RBBP8: variants seen among roughly 807,000 people sequenced by gnomAD.
The protein encoded by RBBP8 is RB binding protein 8, endonuclease, also known as DNA endonuclease RBBP8.
RBBP8 carries 88 observed loss-of-function variants against 108.3 expected under a neutral mutation model. The ratio of observed to expected loss-of-function variants is 0.81; its 90% CI spans 0.68 to 0.97. RBBP8 has a LOEUF of 0.97. Among genes scored for constraint, RBBP8 ranks in the 50% least tolerant of loss-of-function variants. The pLI, the probability that RBBP8 is intolerant of heterozygous loss-of-function variation, is 0.00. For synonymous variants in RBBP8, 332 were observed against 348.2 expected (o/e 0.95, Z 0.52); for missense variants, 1,023 against 1,049.0 (o/e 0.98, Z 0.34).
chr18:22,945,912 A>G (rs1467242323), intron 2 of RBBP8, among the ~76,000 whole-genome samples: 1 of 152,068 alleles, frequency 6.6e-6, no homozygotes, highest in Non-Finnish European at 1.5e-5. Context: ...CTTCTCAGTA[A>G]TTACCTGAGT....
chr18:22,940,990 C>G (rs906167328), intron 2 of RBBP8, among the ~76,000 whole-genome samples: 1 of 151,884 alleles, frequency 6.6e-6, no homozygotes, highest in Admixed American at 6.6e-5. Context: ...TGTCATTGTA[C>G]AAGTTTTTTG....
chr18:22,962,791 G>A (rs1042997594), intron 4 of RBBP8, among the ~76,000 whole-genome samples: 13 of 151,422 alleles, frequency 8.6e-5, no homozygotes, highest in African/African-American at 3.2e-4. Context: ...CGTACGGACA[G>A]GGTTTCACCA....
rs746385731 is a variant in RBBP8, at chr18:22,968,905, T to C, written c.348T>C (p.Leu116=). 4 of 1,609,264 alleles carry C rather than the reference T, an allele frequency of 2.5e-6. No homozygotes were observed. Among genetic ancestry groups the C allele is most frequent in the Non-Finnish European group, 3.4e-6 (4 of 1,175,942 alleles). ...FENIRQQNLK[L]ITELMNERNT... is the part of the protein sequence containing the mutation. ...ATATCCGGCAGCAGAATCTTAAACT[T>C]ATTACAGAACTTAGTGAGTTTCCTT... Residue 116 remains leucine, a synonymous_variant, in exon 5 of 19, where the codon CTT becomes CTC. Coordinates refer to ENST00000327155, the MANE Select transcript of RBBP8 (RefSeq NM_002894.3).
chr18:22,943,712 G>A (rs908351157), intron 2 of RBBP8, among the ~76,000 whole-genome samples: 1 of 151,872 alleles, frequency 6.6e-6, no homozygotes, highest in Non-Finnish European at 1.5e-5. Flanking sequence ...GTGATGTTAG[G>A]GGTATTATTT....
At chr18:22,986,922 CA>C (rs1915366720) in intron 8 of RBBP8, among the ~76,000 whole-genome samples, 1 of 152,148 alleles carries the variant, frequency 6.6e-6, no homozygotes, top group African/African-American at 2.4e-5. Flanking sequence ...TCTCTAGAAC[CA>C]ATTCTGTTCT....
At chr18:22,956,852 T>C (rs888455330) in intron 4 of RBBP8, among the ~76,000 whole-genome samples, 3 of 152,142 alleles carry the variant, frequency 2.0e-5, no homozygotes, top group African/African-American at 7.2e-5. Context: ...ATTATTATTA[T>C]GTTTAATGAG....
At chr18:22,993,997 C>T (rs2045800074) in intron 12 of RBBP8, 150 bp downstream of exon 12, 2 of 640,520 alleles carry the variant, frequency 3.1e-6, no homozygotes, top group Non-Finnish European at 5.0e-6. Context: ...TCACATTTTA[C>T]CGGTGATTTT....
chr18:22,937,543 G>A (rs1316305097), intron 2 of RBBP8, among the ~76,000 whole-genome samples: 2 of 150,270 alleles, frequency 1.3e-5, no homozygotes, highest in East Asian at 2.0e-4. Flanking sequence ...AGGCTGGGGT[G>A]TAGTGGTGTG....
rs375377307 is a variant in RBBP8, at chr18:22,946,394, C to T, written c.110-50C>T. 1,466 of 1,603,422 alleles carry T rather than the reference C, an allele frequency of 9.1e-4. 1 individual carries two copies. Among genetic ancestry groups the T allele is most frequent in the Non-Finnish European group, 1.1e-3 (1,288 of 1,174,234 alleles). On this transcript the variant is annotated intron_variant, in intron 2 of 18. Transcript: ENST00000327155. ...TGTGACTTAATAGTGGAGCATTTGA[C>T]TCATAAAGGAACTGTTGTAGAAGTA...
chr18:22,919,206 T>C (rs923611922), intron 3 of RBBP8, among the ~76,000 whole-genome samples: 1 of 151,886 alleles, frequency 6.6e-6, no homozygotes, highest in African/African-American at 2.4e-5. Context: ...TCAGAGGGAG[T>C]TCAGAATACC....
intron 16 of RBBP8, among the ~76,000 whole-genome samples, chr18:23,012,234 A>G (rs902136952): frequency 6.7e-6 from 1 of 150,152 alleles, no homozygotes; most frequent in African/African-American, 2.5e-5. Flanking sequence ...AAAAAAAACC[A>G]ACTATGATGC....
chr18:22,914,585 C>T (rs560961253), intron 1 of RBBP8, among the ~76,000 whole-genome samples: 1 of 152,264 alleles, frequency 6.6e-6, no homozygotes, highest in East Asian at 1.9e-4. Context: ...AAATAAATTT[C>T]ACATATTAAT....
intron 1 of RBBP8, among the ~76,000 whole-genome samples, chr18:22,934,423 T>C (rs904510838): frequency 6.6e-6 from 1 of 152,242 alleles, no homozygotes; most frequent in African/African-American, 2.4e-5. Flanking sequence ...TTTTCGGTCA[T>C]TGAAGTAATT....
chr18:22,975,347 A>T (rs1195546490), intron 6 of RBBP8, 128 bp downstream of exon 6: 1 of 1,367,484 alleles, frequency 7.3e-7, no homozygotes, highest in African/African-American at 1.5e-5. Context: ...ATACAAAGAA[A>T]ATCACTACAT....
intron 12 of RBBP8, 72 bp from the exon 13 acceptor site, chr18:22,996,302 C>T (rs964294995): frequency 1.3e-6 from 2 of 1,585,396 alleles, no homozygotes; most frequent in African/African-American, 1.3e-5. Flanking sequence ...TCTTTAGGTC[C>T]CATAATATTT....
At chr18:23,023,139 C>T (rs568509081) in intron 18 of RBBP8, among the ~76,000 whole-genome samples, 1 of 151,982 alleles carries the variant, frequency 6.6e-6, no homozygotes, top group Admixed American at 6.6e-5. Context: ...CTCAAGTGGT[C>T]CTCCTGCCTT....
intron 10 of RBBP8, among the ~76,000 whole-genome samples, chr18:22,992,126 G>A (rs2144697410): frequency 6.6e-6 from 1 of 152,308 alleles, no homozygotes; most frequent in South Asian, 2.1e-4. Flanking sequence ...CAATTCTGTA[G>A]TGTAAGAATT....
intron 1 of RBBP8, chr18:22,934,372 G>A (rs1026469746): frequency 6.6e-6 from 1 of 152,092 alleles, no homozygotes; most frequent in Non-Finnish European, 1.5e-5. Flanking sequence ...GATACGTAAA[G>A]GATGCTTATT....
chr18:23,010,907 G>A (rs368380749), intron 16 of RBBP8, among the ~76,000 whole-genome samples: 53 of 152,276 alleles, frequency 3.5e-4, no homozygotes, highest in African/African-American at 9.9e-4. Context: ...GATTCCCTAC[G>A]TCACGATAAG....
Sources: allele counts gnomAD v4.1 joint callset (sites outside exome capture counted in the v4.1 genomes callset), GRCh38; gene constraint gnomAD v4.1.1; transcripts MANE v1.5; gene names NCBI Gene and HGNC (gene_info 2026-07-23, HGNC 2026-07-21).